MEIKIN: variants seen among roughly 807,000 people sequenced by gnomAD.
MEIKIN encodes meiotic kinetochore factor.
intron 8 of MEIKIN, among the ~76,000 whole-genome samples, chr5:131,893,507 G>C (rs1223845033): frequency 3.9e-5 from 6 of 152,210 alleles, no homozygotes; most frequent in African/African-American, 1.2e-4. Context: ...TCTTTGACTA[G>C]GAAAGGGAAT....
chr5:131,841,150 A>G (rs1042977616), intron 11 of MEIKIN, among the ~76,000 whole-genome samples: 6 of 152,086 alleles, frequency 3.9e-5, no homozygotes, highest in African/African-American at 1.4e-4. Flanking sequence ...GCAAGCTCTA[A>G]TTCTGAGGGA....
chr5:131,891,597 G>C (rs1750919513), intron 8 of MEIKIN, among the ~76,000 whole-genome samples: 1 of 151,740 alleles, frequency 6.6e-6, no homozygotes, highest in Non-Finnish European at 1.5e-5. Context: ...CCTTTATTTT[G>C]AGCCTATGTG....
At chr5:131,922,443 A>T (rs1033420456) in intron 5 of MEIKIN, among the ~76,000 whole-genome samples, 4 of 152,026 alleles carry the variant, frequency 2.6e-5, no homozygotes, top group African/African-American at 4.8e-5. Flanking sequence ...TAGCATTTAC[A>T]TTGCATTAAG....
chr5:131,824,794 T>C (rs1749583658), intron 11 of MEIKIN, among the ~76,000 whole-genome samples: 1 of 151,920 alleles, frequency 6.6e-6, no homozygotes, highest in Non-Finnish European at 1.5e-5. Context: ...TAATAAATAA[T>C]AGCTGAAAAT....
At chr5:131,845,256 C>A (rs545077691) in intron 11 of MEIKIN, among the ~76,000 whole-genome samples, 2 of 106,042 alleles carry the variant, frequency 1.9e-5, no homozygotes, top group Admixed American at 2.8e-4. Context: ...GGTGACAGAG[C>A]GAGAAGACTT....
chr5:131,886,068 G>A (rs1750789627), intron 8 of MEIKIN, among the ~76,000 whole-genome samples: 1 of 152,134 alleles, frequency 6.6e-6, no homozygotes, highest in African/African-American at 2.4e-5. Context: ...TCTAGCAGAA[G>A]AAAGCATTAG....
At chr5:131,882,107 C>A (rs563857879) in intron 8 of MEIKIN, among the ~76,000 whole-genome samples, 31 of 152,264 alleles carry the variant, frequency 2.0e-4, no homozygotes, top group African/African-American at 7.5e-4. Context: ...AGCCTAATCA[C>A]AAATTCCTGG....
intron 9 of MEIKIN, among the ~76,000 whole-genome samples, chr5:131,871,881 C>G (rs566447759): frequency 6.6e-6 from 1 of 152,278 alleles, no homozygotes; most frequent in South Asian, 2.1e-4. Flanking sequence ...GATACCCAGG[C>G]AAACAGGGTC....
intron 9 of MEIKIN, among the ~76,000 whole-genome samples, chr5:131,875,760 G>T (rs974998721): frequency 5.3e-5 from 8 of 152,208 alleles, no homozygotes; most frequent in African/African-American, 1.4e-4. Context: ...CCAGGCTACA[G>T]TAACCAAAAC....
chr5:131,924,515 G>C (rs1043130615), intron 5 of MEIKIN, among the ~76,000 whole-genome samples: 2 of 152,012 alleles, frequency 1.3e-5, no homozygotes, highest in African/African-American at 4.8e-5. Context: ...TTTGGTAATA[G>C]CCCTTTTAAC....
At chr5:131,941,610 G>A (rs920815753) in intron 4 of MEIKIN, among the ~76,000 whole-genome samples, 1 of 151,820 alleles carries the variant, frequency 6.6e-6, no homozygotes, top group African/African-American at 2.4e-5. Flanking sequence ...CTGTATTTCT[G>A]ATGTGCTGGT....
At chr5:131,943,410 T>C (rs1016789215) in intron 3 of MEIKIN, among the ~76,000 whole-genome samples, 1 of 152,202 alleles carries the variant, frequency 6.6e-6, no homozygotes, top group Non-Finnish European at 1.5e-5. Context: ...AGGGTAACAA[T>C]GTGAGGTACA....
At chr5:131,874,654 C>T (rs1750578086) in intron 9 of MEIKIN, among the ~76,000 whole-genome samples, 1 of 152,162 alleles carries the variant, frequency 6.6e-6, no homozygotes, top group Admixed American at 6.5e-5. Flanking sequence ...ATGAGGCCAG[C>T]ATCATCCTGA....
chr5:131,874,817 C>G (rs1447962694), intron 9 of MEIKIN, among the ~76,000 whole-genome samples: 3 of 152,192 alleles, frequency 2.0e-5, no homozygotes. Flanking sequence ...GGCTTCATCC[C>G]TGGGATGCAA....
At chr5:131,941,303 C>T (rs980177353) in intron 4 of MEIKIN, among the ~76,000 whole-genome samples, 5 of 146,912 alleles carry the variant, frequency 3.4e-5, no homozygotes, top group African/African-American at 5.4e-5. Flanking sequence ...GGATTACAGG[C>T]GCCTGCCACC....
intron 12 of MEIKIN, among the ~76,000 whole-genome samples, chr5:131,817,757 A>G (rs1340677911): frequency 6.6e-6 from 1 of 152,188 alleles, no homozygotes; most frequent in Non-Finnish European, 1.5e-5. Flanking sequence ...AGGGATCTCT[A>G]TAGACTTAGA....
chr5:131,900,988 G>A (rs1353149185), intron 8 of MEIKIN, among the ~76,000 whole-genome samples: 1 of 152,126 alleles, frequency 6.6e-6, no homozygotes, highest in Non-Finnish European at 1.5e-5. Context: ...GGACCTTGCT[G>A]TGCACCCCAC....
At chr5:131,858,763 G>A (rs1229707547) in intron 9 of MEIKIN, among the ~76,000 whole-genome samples, 1 of 152,034 alleles carries the variant, frequency 6.6e-6, no homozygotes, top group African/African-American at 2.4e-5. Context: ...TTAAAAAGTG[G>A]GCAAAGGCAT....
At chr5:131,932,096 G>C (rs899075651) in intron 5 of MEIKIN, among the ~76,000 whole-genome samples, 4 of 152,120 alleles carry the variant, frequency 2.6e-5, no homozygotes, top group Admixed American at 6.5e-5. Context: ...CATTTTCTCA[G>C]CAGAAGGTTC....
Sources: gnomAD v4.1 joint callset for allele counts (sites outside exome capture counted in the v4.1 genomes callset) on GRCh38, gnomAD v4.1.1 for gene constraint, MANE v1.5 for transcripts, NCBI Gene and HGNC (gene_info 2026-07-23, HGNC 2026-07-21) for gene names.